NAT10: variants seen among roughly 807,000 people sequenced by gnomAD.
The protein encoded by NAT10 is N-acetyltransferase 10, also known as RNA cytidine acetyltransferase.
NAT10 carries 109 observed loss-of-function variants against 132.2 expected under a neutral mutation model. That is an observed-to-expected ratio of 0.82 (90% confidence interval 0.71 to 0.97). The LOEUF (loss-of-function observed/expected upper bound fraction) is 0.97, where lower values mean the gene tolerates loss of function less well. Ranked by LOEUF, NAT10 falls within the 50% of genes least tolerant of loss-of-function variation. The probability of loss-of-function intolerance (pLI) is 0.00; values close to 1 mark genes in which losing one functional copy is unlikely to be tolerated. For missense variants in NAT10, 1,184 were observed against 1,263.4 expected (o/e 0.94, Z 0.95); for synonymous variants, 479 against 478.0 (o/e 1.00, Z -0.03).
rs369711679 is a variant in NAT10, at chr11:34,146,171, G to GA, written c.3060dup (p.Leu1021ThrfsTer16). ...GAGAGACAAAGAACAAAAAAGATAT[G>GA]AAACTGAAGCGGAAGAAATAGTGAA... is the stretch of plus-strand genomic sequence containing the variant. On this transcript the variant is annotated frameshift_variant, in exon 29 of 29. Coordinates refer to ENST00000257829, the MANE Select transcript of NAT10 (RefSeq NM_024662.3). LOFTEE classifies it high-confidence loss of function. 987 of 1,606,782 alleles carry GA rather than the reference G, an allele frequency of 6.1e-4. 8 individuals are homozygous for GA. In the Middle Eastern group the frequency reaches 0.025, roughly 41 times the overall value.
intron 24 of NAT10, 103 bp downstream of exon 24, chr11:34,140,675 T>C (rs1656983063): frequency 3.1e-6 from 4 of 1,293,934 alleles, no homozygotes; most frequent in African/African-American, 1.5e-5. Context: ...TGCCTTTAAT[T>C]CCTCATACAT....
Position 34,135,947 on chromosome 11 carries a change from G to A in NAT10, c.2028+656G>A, listed in dbSNP as rs556694823. On this transcript the variant is annotated intron_variant, in intron 19 of 28. Coordinates refer to ENST00000257829, the MANE Select transcript of NAT10 (RefSeq NM_024662.3). The stretch of plus-strand genomic sequence containing the variant: ...ACTGGACTCTGGCCTGGGTGACAGA[G>A]CCAGACCCTGTCTCAAGCAATGAAA... Among the ~76,000 whole-genome samples the A allele has an allele frequency of 2.5e-4, 38 of 152,060 alleles. 1 individual carries two copies. Among genetic ancestry groups the A allele is most frequent in the African/African-American group, 8.7e-4 (36 of 41,488 alleles).
At position 34,141,810 on chromosome 11, in the gene NAT10, A is replaced by T; in HGVS notation, c.2804A>T (p.Asp935Val). The T allele has an allele frequency of 1.2e-6, 2 of 1,613,542 alleles. No homozygotes were observed. Among genetic ancestry groups the T allele is most frequent in the Non-Finnish European group, 1.7e-6 (2 of 1,179,926 alleles). Residue 935 changes from aspartate (D) to valine (V), a missense_variant, in exon 26 of 29, where the codon GAC becomes GTC. Asp to Val is a radical substitution (Grantham distance 152). Transcript: ENST00000257829. ...VMEPTMKTLS[D>V]DLDEAAKEFQ... ...GAGCCCACGATGAAGACCCTCAGTGACGACCTAGTATGTCCCTGCTCATGG... is the reference window on the plus strand; with the variant it reads ...GAGCCCACGATGAAGACCCTCAGTGTCGACCTAGTATGTCCCTGCTCATGG...
intron 5 of NAT10, among the ~76,000 whole-genome samples, chr11:34,114,460 C>T (rs1026015244): frequency 1.3e-5 from 2 of 152,168 alleles, no homozygotes; most frequent in East Asian, 1.9e-4. Context: ...TCGGATTGGA[C>T]TTAGGGTTTC....
chr11:34,135,437 A>T, intron 19 of NAT10, 146 bp downstream of exon 19: 1 of 656,892 alleles, frequency 1.5e-6, no homozygotes, highest in Non-Finnish European at 2.7e-6. Context: ...AACACTTTAG[A>T]TCCTCAGATC....
At chr11:34,132,491 G>C (rs1306440564) in intron 15 of NAT10, among the ~76,000 whole-genome samples, 2 of 141,038 alleles carry the variant, frequency 1.4e-5, no homozygotes, top group Admixed American at 1.4e-4. Context: ...TGACATTGCA[G>C]TTGTGGCCCG....
At chr11:34,109,876 C>A (rs1851663751) in intron 3 of NAT10, among the ~76,000 whole-genome samples, 1 of 152,188 alleles carries the variant, frequency 6.6e-6, no homozygotes, top group Non-Finnish European at 1.5e-5. Context: ...CTAGCAGAAA[C>A]AACACTTGCG....
intron 1 of NAT10, 90 bp from the exon 2 acceptor site, chr11:34,108,121 A>C (rs1851628219): frequency 1.2e-6 from 1 of 806,014 alleles, no homozygotes; most frequent in Non-Finnish European, 2.1e-6. Context: ...AGATATGCCT[A>C]GCACAGTCCC....
Position 34,146,459 on chromosome 11 carries a change from C to T in NAT10, c.*267C>T. ...CTCTCTTCCTGCCCAGTCCAGGGCCCTCCTTTCCTATAAGTTCATATTTTG... is the reference window on the plus strand; with the variant it reads ...CTCTCTTCCTGCCCAGTCCAGGGCCTTCCTTTCCTATAAGTTCATATTTTG... On this transcript the variant is annotated 3_prime_UTR_variant, in exon 29 of 29. Coordinates refer to ENST00000257829, the MANE Select transcript of NAT10 (RefSeq NM_024662.3). 1 of 299,302 alleles carries T rather than the reference C, an allele frequency of 3.3e-6. No individual in the cohort carries two copies. Among genetic ancestry groups the T allele is most frequent in the Non-Finnish European group, 6.2e-6 (1 of 161,152 alleles). 18.5% of individuals were successfully genotyped at this position (299,302 alleles called of 1,614,324 possible). A position where few individuals can be genotyped will look rare whatever the true frequency, so the allele number is the denominator to read the frequency against.
At chr11:34,136,468 T>C (rs1337538115) in intron 19 of NAT10, among the ~76,000 whole-genome samples, 174 bp from the exon 20 acceptor site, 1 of 152,202 alleles carries the variant, frequency 6.6e-6, no homozygotes, top group Admixed American at 6.5e-5. Flanking sequence ...TGAGGTGTTT[T>C]GAGAATGATT....
At chr11:34,113,594 G>T (rs1439501302) in intron 4 of NAT10, 122 bp from the exon 5 acceptor site, 3 of 1,207,790 alleles carry the variant, frequency 2.5e-6, no homozygotes, top group Non-Finnish European at 3.3e-6. Flanking sequence ...CCAAGATTGC[G>T]CCACTGCACT....
intron 6 of NAT10, among the ~76,000 whole-genome samples, chr11:34,116,595 T>C (rs1161296457): frequency 6.6e-6 from 1 of 151,680 alleles, no homozygotes; most frequent in African/African-American, 2.4e-5. Flanking sequence ...TTTTTTGTAT[T>C]ATTATTATTA....
intron 8 of NAT10, among the ~76,000 whole-genome samples, chr11:34,119,677 G>A (rs1013396879): frequency 1.9e-4 from 29 of 152,222 alleles, no homozygotes; most frequent in East Asian, 1.9e-4. Flanking sequence ...AGAAACAACT[G>A]CTATTAACAG....
chr11:34,133,088 G>T lies in NAT10; in HGVS notation c.1680G>T (p.Leu560=). The change falls in exon 16 of 29, where the codon CTG becomes CTT. Residue 560 remains leucine, a synonymous_variant. Coordinates refer to ENST00000257829, the MANE Select transcript of NAT10 (RefSeq NM_024662.3). ...CTGCTCACCATCTCTTCTGCCTTCTGCCTCCCGTGCCCCCCACCCAGAATG... is the reference window on the plus strand; with the variant it reads ...CTGCTCACCATCTCTTCTGCCTTCTTCCTCCCGTGCCCCCCACCCAGAATG... ...DAPAHHLFCL[L]PPVPPTQNAL... is the part of the protein sequence containing the mutation. 3.1e-6 allele frequency: 5 copies of T among 1,613,144 alleles called. No homozygotes were observed. Among genetic ancestry groups the T allele is most frequent in the Non-Finnish European group, 3.4e-6 (4 of 1,179,218 alleles).
chr11:34,142,203 A>G, intron 26 of NAT10, 72 bp from the exon 27 acceptor site: 1 of 1,419,506 alleles, frequency 7.0e-7, no homozygotes, highest in Non-Finnish European at 9.9e-7. Context: ...ATTCCACCCC[A>G]GCTTCACCTT....
intron 1 of NAT10, 177 bp downstream of exon 1, chr11:34,105,969 A>G (rs1851588295): frequency 6.6e-6 from 1 of 152,340 alleles, no homozygotes; most frequent in Non-Finnish European, 1.5e-5. Flanking sequence ...CACCTCTCCA[A>G]TACGCAGCCG....
intron 11 of NAT10, among the ~76,000 whole-genome samples, chr11:34,125,846 C>T (rs1851980865): frequency 6.6e-6 from 1 of 152,138 alleles, no homozygotes; most frequent in Non-Finnish European, 1.5e-5. Flanking sequence ...CGCCTGCAAT[C>T]CCAGCTACTC....
chr11:34,142,624 G>A (rs962632252), intron 27 of NAT10, among the ~76,000 whole-genome samples: 1 of 152,310 alleles, frequency 6.6e-6, no homozygotes, highest in African/African-American at 2.4e-5. Flanking sequence ...CCAGGAGTGG[G>A]GGTGCCGATT....
intron 2 of NAT10, 81 bp downstream of exon 2, chr11:34,108,414 G>C: frequency 8.8e-7 from 1 of 1,135,588 alleles, no homozygotes; most frequent in Non-Finnish European, 1.3e-6. Flanking sequence ...GCTGTTTCAG[G>C]ACATAATGGC....
Sources: gnomAD v4.1 joint callset for allele counts (sites outside exome capture counted in the v4.1 genomes callset) on GRCh38, gnomAD v4.1.1 for gene constraint, MANE v1.5 for transcripts, NCBI Gene and HGNC (gene_info 2026-07-23, HGNC 2026-07-21) for gene names.